RARA: variants seen among roughly 807,000 people sequenced by gnomAD.
The protein encoded by RARA is PML-DDX5-RARA fusion.
Under a neutral mutation model 42.8 loss-of-function variants are expected in RARA, and 5 were observed. The ratio of observed to expected loss-of-function variants is 0.12; its 90% CI spans 0.06 to 0.25. The LOEUF (loss-of-function observed/expected upper bound fraction) is 0.25, where lower values mean the gene tolerates loss of function less well. RARA is among the 10% of genes least tolerant of loss of function. The pLI is 1.00. For synonymous variants in RARA, 256 were observed against 259.5 expected (o/e 0.99, Z 0.13); for missense variants, 402 against 628.7 (o/e 0.64, Z 3.86).
Position 40,356,863 on chromosome 17 carries a change from C to A in RARA, c.*637C>A. ...GATCCAGAGCTGGAGGGGGTGGGTC[C>A]GGGGGAGGGAGTGGCTCGGAAGGGG... On this transcript the variant is annotated 3_prime_UTR_variant, in exon 9 of 9. Coordinates refer to ENST00000254066, the MANE Select transcript of RARA (RefSeq NM_000964.4). 1.3e-5 allele frequency: 2 copies of A among 155,312 alleles called. No homozygotes were observed. Among genetic ancestry groups the A allele is most frequent in the Non-Finnish European group, 2.5e-5 (2 of 81,098 alleles). The allele number at this position is 155,312 out of a possible 1,614,324, so 9.6% of individuals were successfully genotyped here. A position where few individuals can be genotyped will look rare whatever the true frequency, so the allele number is the denominator to read the frequency against.
chr17:40,342,207 C>T, intron 2 of RARA: 1 of 1,053,776 alleles, frequency 9.5e-7, no homozygotes, highest in Middle Eastern at 4.3e-4. Flanking sequence ...CTGCCCCTGG[C>T]CTGGCGGGGG....
intron 1 of RARA, among the ~76,000 whole-genome samples, chr17:40,310,618 A>G (rs2033078688): frequency 6.6e-6 from 1 of 152,132 alleles, no homozygotes; most frequent in African/African-American, 2.4e-5. Context: ...TCCAACAAGG[A>G]AAGTAGAGAT....
At chr17:40,328,456 T>A (rs914312371) in intron 1 of RARA, among the ~76,000 whole-genome samples, 1 of 152,182 alleles carries the variant, frequency 6.6e-6, no homozygotes, top group Non-Finnish European at 1.5e-5. Context: ...ACCATAAAAT[T>A]TACCCATTAA....
rs1311466587 is a variant in RARA at position 40,356,470 on chromosome 17, G to A, written c.*244G>A. 1.0e-5 allele frequency: 7 copies of A among 696,092 alleles called. No homozygotes were observed. The highest frequency in any genetic ancestry group is 1.8e-5 in the Non-Finnish European group (7 of 382,034). The allele number at this position is 696,092 out of a possible 1,614,324, so 43.1% of individuals were successfully genotyped here. A position where few individuals can be genotyped will look rare whatever the true frequency, so the allele number is the denominator to read the frequency against. ...GAGGCCGAGGCCAGGAACTGAGTGA[G>A]GCCCCTGGTCCTGGGTCTCAGGATG... On this transcript the variant is annotated 3_prime_UTR_variant, in exon 9 of 9. Coordinates refer to ENST00000254066, the MANE Select transcript of RARA (RefSeq NM_000964.4).
intron 2 of RARA, among the ~76,000 whole-genome samples, chr17:40,335,221 G>T (rs371222253): frequency 3.9e-5 from 6 of 152,112 alleles, no homozygotes; most frequent in African/African-American, 1.4e-4. Flanking sequence ...GGGCTGGGAG[G>T]GGGAGTGACT....
At chr17:40,317,968 C>T (rs1229150558) in intron 1 of RARA, among the ~76,000 whole-genome samples, 1 of 152,140 alleles carries the variant, frequency 6.6e-6, no homozygotes, top group East Asian at 1.9e-4. Flanking sequence ...CTCCACCGAG[C>T]GCTATTTTCA....
In RARA at chr17:40,349,700, C is replaced by A; in HGVS notation, c.328-84C>A. The A allele has an allele frequency of 2.6e-6, 4 of 1,552,862 alleles. No individual in the cohort carries two copies. In the Admixed American group the frequency reaches 6.9e-5, roughly 27 times the overall value. On this transcript the variant is annotated intron_variant, in intron 3 of 8. Coordinates refer to ENST00000254066, the MANE Select transcript of RARA (RefSeq NM_000964.4). ...GCTTGGGGGCAGCAGCTGGCCTGGC[C>A]CTCCTCCCCTAGACTGAGACCGTAG...
At chr17:40,327,033 G>A (rs1178804860) in intron 1 of RARA, among the ~76,000 whole-genome samples, 4 of 152,192 alleles carry the variant, frequency 2.6e-5, no homozygotes, top group African/African-American at 4.8e-5. Flanking sequence ...TGCAGGCAGA[G>A]CTGGGTTAGG....
At chr17:40,327,486 T>C (rs182368441) in intron 1 of RARA, among the ~76,000 whole-genome samples, 193 of 152,282 alleles carry the variant, frequency 1.3e-3, no homozygotes, top group Middle Eastern at 0.01. Flanking sequence ...AAGCAGCAGG[T>C]ACAAGGGCCA....
rs1052993222 is a variant in RARA, at chr17:40,320,151, C to T, written c.-362-10706C>T. ...AGGGGTTTCACCATCAGACTGGCGA[C>T]GGTGGCACAGATGCAGTGGCAGTTC... On this transcript the variant is annotated intron_variant, in intron 1 of 8. Transcript: ENST00000254066. The surrounding 1 kb of genome is among the most constrained non-coding windows in gnomAD (Gnocchi z 4.1). 6.6e-6 allele frequency among the ~76,000 whole-genome samples: 1 copy of T among 152,074 alleles called. No individual in the cohort carries two copies. The highest frequency in any genetic ancestry group is 1.5e-5 in the Non-Finnish European group (1 of 68,000).
chr17:40,356,305 A>G lies in RARA; in HGVS notation c.*79A>G. 3 of 1,429,656 alleles carry G rather than the reference A, an allele frequency of 2.1e-6. No homozygotes were observed. The highest frequency in any genetic ancestry group is 2.9e-6 in the Non-Finnish European group (3 of 1,043,984). 88.6% of individuals were successfully genotyped at this position (1,429,656 alleles called of 1,614,324 possible). A position where few individuals can be genotyped will look rare whatever the true frequency, so the allele number is the denominator to read the frequency against. Reference sequence around the variant, plus strand: ...CTTTCTACCGACCATGTGACCCCGCACCAGCCCTGCCCCCACCTGCCCTCC... The same window carrying G: ...CTTTCTACCGACCATGTGACCCCGCGCCAGCCCTGCCCCCACCTGCCCTCC... On this transcript the variant is annotated 3_prime_UTR_variant, in exon 9 of 9. Coordinates refer to ENST00000254066, the MANE Select transcript of RARA (RefSeq NM_000964.4).
chr17:40,356,156 C>G lies in RARA; in HGVS notation c.1319C>G (p.Pro440Arg), dbSNP rs747666789. 1.3e-6 allele frequency: 2 copies of G among 1,553,226 alleles called. No homozygotes were observed. The highest frequency in any genetic ancestry group is 1.7e-6 in the Non-Finnish European group (2 of 1,148,484). The change falls in exon 9 of 9, where the codon CCG becomes CGG. Residue 440 changes from proline to arginine, a missense_variant. Around this residue, in one of 5 missense-constraint regions of RARA, gnomAD observed 73 missense variants for 59.8 expected, o/e 1.22. Coordinates refer to ENST00000254066, the MANE Select transcript of RARA (RefSeq NM_000964.4). The part of the protein sequence containing the change: ...GGRDGGGLAP[P>R]PGSCSPSLSP... ...CGGGACGGGGGTGGCCTGGCCCCCC[C>G]GCCAGGCAGCTGTAGCCCCAGCCTC... is the stretch of plus-strand genomic sequence containing the variant.
chr17:40,352,450 C>T lies in RARA; in HGVS notation c.750C>T (p.Thr250=). 5 of 1,613,916 alleles carry T rather than the reference C, an allele frequency of 3.1e-6. No individual in the cohort carries two copies. Among genetic ancestry groups the T allele is most frequent in the Non-Finnish European group, 4.2e-6 (5 of 1,179,886 alleles). ...VEFAKQLPGF[T]TLTIADQITL... is the part of the protein sequence containing the mutation. ...TCGCCAAGCAGCTGCCCGGCTTCACCACCCTCACCATCGCCGACCAGATCA... is the reference window on the plus strand; with the variant it reads ...TCGCCAAGCAGCTGCCCGGCTTCACTACCCTCACCATCGCCGACCAGATCA... Residue 250 remains threonine, a synonymous_variant, in exon 6 of 9, where the codon ACC becomes ACT. Coordinates refer to ENST00000254066, the MANE Select transcript of RARA (RefSeq NM_000964.4). The surrounding 1 kb of genome is among the most constrained non-coding windows in gnomAD (Gnocchi z 4.9).
chr17:40,321,109 G>A (rs1313611584), intron 1 of RARA, among the ~76,000 whole-genome samples: 1 of 151,852 alleles, frequency 6.6e-6, no homozygotes, highest in Non-Finnish European at 1.5e-5. Flanking sequence ...GATGCACGGT[G>A]GGGGGCAGGG....
At chr17:40,338,693 C>G (rs1032451762) in intron 2 of RARA, among the ~76,000 whole-genome samples, 6 of 115,790 alleles carry the variant, frequency 5.2e-5, no homozygotes, top group African/African-American at 2.2e-4. Flanking sequence ...GGTAACAGAG[C>G]AAGACTTGGA....
At chr17:40,342,846 C>A (rs748005142) in intron 2 of RARA, 2 of 1,612,838 alleles carry the variant, frequency 1.2e-6, no homozygotes, top group African/African-American at 2.7e-5. Flanking sequence ...CCGGACTCCG[C>A]TTTGGAATGG....
intron 2 of RARA, among the ~76,000 whole-genome samples, chr17:40,338,985 T>G (rs2033943151): frequency 6.6e-6 from 1 of 152,164 alleles, no homozygotes; most frequent in Non-Finnish European, 1.5e-5. Context: ...ACCACTGCAC[T>G]CTAGCCTGGG....
intron 2 of RARA, among the ~76,000 whole-genome samples, chr17:40,335,026 TTC>T (rs1390694822): frequency 3.9e-5 from 6 of 152,104 alleles, no homozygotes; most frequent in Admixed American, 2.6e-4. Flanking sequence ...AGGTCTCAGA[TTC>T]TGTGTGCACT....
At position 40,345,357 on chromosome 17, in the gene RARA, G is replaced by GGCTGCGAGGGGA. The variant is rs2034226011; in HGVS notation, c.179-2952_179-2941dup. On this transcript the variant is annotated intron_variant, in intron 2 of 8. Coordinates refer to ENST00000254066, the MANE Select transcript of RARA (RefSeq NM_000964.4). This position sits in a 1 kb window ranked among gnomAD's most constrained non-coding sequence, Gnocchi z 4.8. ...CGCCCCCTCCCCAACCATCCCCAGG[G>GGCTGCGAGGGGA]GCTGCGAGGGGAGCTGCGGAGGAGC... 6.6e-6 allele frequency: 1 copy of GGCTGCGAGGGGA among 152,536 alleles called. No homozygotes were observed. Among genetic ancestry groups the GGCTGCGAGGGGA allele is most frequent in the African/African-American group, 2.4e-5 (1 of 41,468 alleles). 9.4% of individuals were successfully genotyped at this position (152,536 alleles called of 1,614,324 possible).
Sources: allele counts gnomAD v4.1 joint callset (sites outside exome capture counted in the v4.1 genomes callset), GRCh38; gene constraint gnomAD v4.1.1; regional missense constraint gnomAD v4.1.1; non-coding constraint Gnocchi (gnomAD v3.1); transcripts MANE v1.5; gene names NCBI Gene and HGNC (gene_info 2026-07-23, HGNC 2026-07-21).